F12: variants seen among roughly 807,000 people sequenced by gnomAD.
The protein encoded by F12 is coagulation factor XII, also known as Hageman factor.
In F12, 70 loss-of-function variants were observed where a neutral mutation model predicts 74.8. The observed-to-expected ratio is 0.94, with a 90% CI of 0.77 to 1.14. The LOEUF (loss-of-function observed/expected upper bound fraction) is 1.14. Among genes scored for constraint, F12 ranks in the 50% most tolerant of loss-of-function variants. F12 has a pLI of 0.00. For synonymous variants in F12, 373 were observed against 356.4 expected (o/e 1.05, Z -0.52); for missense variants, 811 against 835.7 (o/e 0.97, Z 0.36).
In F12 at chr5:177,405,790, G is replaced by A; in HGVS notation, c.231C>T (p.Pro77=). The A allele has an allele frequency of 1.9e-6, 3 of 1,614,170 alleles. No homozygotes were observed. Among genetic ancestry groups the A allele is most frequent in the Non-Finnish European group, 2.5e-6 (3 of 1,180,016 alleles). The change falls in exon 4 of 14, where the codon CCC becomes CCT. Residue 77 remains proline (P), a synonymous_variant. Coordinates refer to ENST00000253496, the MANE Select transcript of F12 (RefSeq NM_000505.4). ...CCCATCGCTGGTCCTGATCAAAGTT[G>A]GGGGTGGTAGCACACCTGTAGAAAG... ...PGPQPWCATT[P]NFDQDQRWGY...
In F12 at chr5:177,404,495, G is replaced by T. The variant is rs1209557431; in HGVS notation, c.800+4C>A. 1.9e-6 allele frequency: 3 copies of T among 1,590,236 alleles called. No homozygotes were observed. The highest frequency in any genetic ancestry group is 1.1e-5 in the South Asian group (1 of 88,880). On this transcript the variant is annotated splice_donor_region_variant and intron_variant, in intron 8 of 13. Coordinates refer to ENST00000253496, the MANE Select transcript of F12 (RefSeq NM_000505.4). ...GAGGGGTCACCCAGCCCCACGCGGC[G>T]CACCGGCAGAAGGCGTGGCCGCCCA...
In F12 at chr5:177,403,355, A is replaced by T; in HGVS notation, c.1430T>A (p.Leu477His). Residue 477 changes from leucine (L) to histidine (H), a missense_variant, in exon 12 of 14, where the codon CTC becomes CAC. Leu to His is a moderately conservative substitution (Grantham distance 99). Transcript: ENST00000253496. Reference sequence around the variant, plus strand: ...CACCGGCTGAACGTAAGGCGACAGGAGCGCGCAGCTGCCGTCCGCATCCTC... The same window carrying T: ...CACCGGCTGAACGTAAGGCGACAGGTGCGCGCAGCTGCCGTCCGCATCCTC... ...LQEDADGSCALLSPYVQPVCL... is the reference protein window; with the variant it reads ...LQEDADGSCAHLSPYVQPVCL... 2.5e-6 allele frequency: 4 copies of T among 1,598,884 alleles called. No homozygotes were observed. The African/African-American group carries it at 4.0e-5, about 16-fold the overall frequency.
chr5:177,403,147 C>T, intron 12 of F12, 107 bp downstream of exon 12: 1 of 1,467,338 alleles, frequency 6.8e-7, no homozygotes, highest in Non-Finnish European at 9.4e-7. Flanking sequence ...GTCAGCGCCA[C>T]CCATTCTGTA....
Position 177,405,042 on chromosome 5 carries a change from C to G in F12, c.529+12G>C. On this transcript the variant is annotated intron_variant, in intron 6 of 13. Transcript: ENST00000253496. Reference sequence around the variant, plus strand: ...ACGCTCCTCCCTGGCCCGTTCCCAACCATCTGCTCACCCTGGCTGGCCAGC... The same window carrying G: ...ACGCTCCTCCCTGGCCCGTTCCCAAGCATCTGCTCACCCTGGCTGGCCAGC... The G allele has an allele frequency of 6.2e-7, 1 of 1,611,308 alleles. No homozygotes were observed. The highest frequency in any genetic ancestry group is 8.5e-7 in the Non-Finnish European group (1 of 1,179,864).
intron 6 of F12, 64 bp downstream of exon 6, chr5:177,404,990 C>T: frequency 6.3e-7 from 1 of 1,594,282 alleles, no homozygotes; most frequent in Non-Finnish European, 8.5e-7. Context: ...GGCACACCAC[C>T]CGGCCTCCTG....
At chr5:177,403,710 C>T (rs1238378662) in intron 10 of F12, 93 bp from the exon 11 acceptor site, 2 of 1,535,772 alleles carry the variant, frequency 1.3e-6, no homozygotes, top group South Asian at 1.2e-5. Flanking sequence ...TCCCGTGTTC[C>T]AGCTTCCTCC....
At chr5:177,405,916 T>C (rs1257345359) in intron 3 of F12, 46 bp downstream of exon 3, 1 of 1,597,186 alleles carries the variant, frequency 6.3e-7, no homozygotes, top group Non-Finnish European at 8.6e-7. Flanking sequence ...ACAGGCAGGG[T>C]ACATGTCTCC....
At chr5:177,405,244 G>A (rs1363241173) in intron 5 of F12, 59 bp from the exon 6 acceptor site, 2 of 1,613,258 alleles carry the variant, frequency 1.2e-6, no homozygotes, top group Admixed American at 3.3e-5. Context: ...AAGTCTCCGA[G>A]TATCCAGCAA....
rs1763249669 is a variant in F12, at chr5:177,404,898, C to T, written c.546G>A (p.Pro182=). The T allele has an allele frequency of 6.2e-7, 1 of 1,605,604 alleles. No individual in the cohort carries two copies. Among genetic ancestry groups the T allele is most frequent in the Middle Eastern group, 1.7e-4 (1 of 5,976 alleles). The change falls in exon 7 of 14, where the codon CCG becomes CCA. Residue 182 remains proline (P), a synonymous_variant. Coordinates refer to ENST00000253496, the MANE Select transcript of F12 (RefSeq NM_000505.4). The part of the protein sequence containing the change: ...RLASQACRTN[P]CLHGGRCLEV... ...CTAGGCAGCGACCCCCATGGAGGCA[C>T]GGGTTGGTGCGGCAGGCTTGGGGAG...
intron 2 of F12, among the ~76,000 whole-genome samples, chr5:177,407,871 T>TTTGGGTGCC (rs752453455): frequency 1.0e-4 from 15 of 150,174 alleles, no homozygotes; most frequent in Non-Finnish European, 2.1e-4. Context: ...GGGCACCAAG[T>TTTGGGTGCC]TTGGGTAAGG....
rs139112998 is a variant in F12, at chr5:177,404,117, G to C, written c.1019-27C>G. ...TGTGGAGGAGCAGGGGCTGAGGACGGAGAGCCCGCGGCCGGCTGGCCGGAA... is the reference window on the plus strand; with the variant it reads ...TGTGGAGGAGCAGGGGCTGAGGACGCAGAGCCCGCGGCCGGCTGGCCGGAA... On this transcript the variant is annotated intron_variant, in intron 9 of 13. Transcript: ENST00000253496. The C allele has an allele frequency of 1.0e-5, 16 of 1,595,084 alleles. No individual in the cohort carries two copies. The African/African-American group carries it at 1.9e-4, about 19-fold the overall frequency.
intron 3 of F12, 45 bp downstream of exon 3, chr5:177,405,917 A>G (rs760162317): frequency 1.1e-5 from 18 of 1,596,434 alleles, no homozygotes; most frequent in African/African-American, 2.7e-5. Context: ...CAGGCAGGGT[A>G]CATGTCTCCC....
chr5:177,403,095 A>C, intron 12 of F12, 159 bp downstream of exon 12: 2 of 902,252 alleles, frequency 2.2e-6, no homozygotes, highest in South Asian at 1.6e-5. Flanking sequence ...AGGCCCTGGG[A>C]TTCTACCTGG....
intron 12 of F12, chr5:177,402,942 G>C: frequency 4.4e-6 from 3 of 675,714 alleles, no homozygotes; most frequent in Non-Finnish European, 7.4e-6. Flanking sequence ...ATCCAGAGTC[G>C]CAGAACCTGG....
In F12 at chr5:177,404,244, T is replaced by G; in HGVS notation, c.970A>C (p.Lys324Gln). Reference protein sequence around the residue: ...PLMPAQPAPPKPQPTTRTPPQ... With the variant: ...PLMPAQPAPPQPQPTTRTPPQ... ...GGGGTCCGGGTCGTGGGCTGAGGCTTCGGCGGTGCCGGCTGCGCGGGCATG... is the reference window on the plus strand; with the variant it reads ...GGGGTCCGGGTCGTGGGCTGAGGCTGCGGCGGTGCCGGCTGCGCGGGCATG... Residue 324 changes from lysine to glutamine, a missense_variant, in exon 9 of 14, where the codon AAG (lysine) becomes CAG (glutamine). Coordinates refer to ENST00000253496, the MANE Select transcript of F12 (RefSeq NM_000505.4). 1 of 1,598,942 alleles carries G rather than the reference T, an allele frequency of 6.3e-7. No individual in the cohort carries two copies. The highest frequency in any genetic ancestry group is 8.5e-7 in the Non-Finnish European group (1 of 1,171,478).
Position 177,405,193 on chromosome 5 carries a change from C to CA in F12, c.398-9dup, listed in dbSNP as rs1039767285. On this transcript the variant is annotated splice_polypyrimidine_tract_variant and intron_variant, in intron 5 of 13. Transcript: ENST00000253496. The stretch of plus-strand genomic sequence containing the variant: ...GAGGCTCAAAGCACTTCTCTGGGGA[C>CA]AAAGAGGGATAGTGGTCTCAGGAGA... 4 of 1,613,866 alleles carry CA rather than the reference C, an allele frequency of 2.5e-6. No individual in the cohort carries two copies. Among genetic ancestry groups the CA allele is most frequent in the Admixed American group, 1.7e-5 (1 of 60,018 alleles).
chr5:177,405,807 T>C lies in F12; in HGVS notation c.216-2A>G, dbSNP rs1466570827. 6.2e-7 allele frequency: 1 copy of C among 1,614,090 alleles called. No homozygotes were observed. Among genetic ancestry groups the C allele is most frequent in the Admixed American group, 1.7e-5 (1 of 60,022 alleles). Reference sequence around the variant, plus strand: ...TCAAAGTTGGGGGTGGTAGCACACCTGTAGAAAGAGACAAGGCTTCCCTGC... The same window carrying C: ...TCAAAGTTGGGGGTGGTAGCACACCCGTAGAAAGAGACAAGGCTTCCCTGC... On this transcript the variant is annotated splice_acceptor_variant, in intron 3 of 13. Coordinates refer to ENST00000253496, the MANE Select transcript of F12 (RefSeq NM_000505.4). LOFTEE classifies it high-confidence loss of function.
rs572115873 is a variant in F12, at chr5:177,402,849, T to A, written c.1532-151A>T. On this transcript the variant is annotated intron_variant, in intron 12 of 13. Coordinates refer to ENST00000253496, the MANE Select transcript of F12 (RefSeq NM_000505.4). ...GGGAGGAGGTGCCATTAATTCAATT[T>A]CATAGGCAAGGAGGCTGAGGTCCAG... is the stretch of plus-strand genomic sequence containing the variant. 34 of 1,145,608 alleles carry A rather than the reference T, an allele frequency of 3.0e-5. No individual in the cohort carries two copies. The East Asian group carries it at 4.9e-4, about 16-fold the overall frequency. 71.0% of individuals were successfully genotyped at this position (1,145,608 alleles called of 1,614,324 possible). A position where few individuals can be genotyped will look rare whatever the true frequency, so the allele number is the denominator to read the frequency against.
At position 177,404,322 on chromosome 5, in the gene F12, G is replaced by A; in HGVS notation, c.892C>T (p.Pro298Ser). The change falls in exon 9 of 14, where the codon CCA becomes TCA. Residue 298 changes from proline to serine, a missense_variant. Transcript: ENST00000253496. ...EYCDLAQCQT[P>S]TQAAPPTPVS... ...GGGGTCGGAGGCGCCGCCTGGGTTGGGGTCTGGCACTGTGCCAGGTCGCAG... is the reference window on the plus strand; with the variant it reads ...GGGGTCGGAGGCGCCGCCTGGGTTGAGGTCTGGCACTGTGCCAGGTCGCAG... 1 of 1,606,848 alleles carries A rather than the reference G, an allele frequency of 6.2e-7. No individual in the cohort carries two copies. The highest frequency in any genetic ancestry group is 8.5e-7 in the Non-Finnish European group (1 of 1,176,612).
Sources: gnomAD v4.1 joint callset for allele counts (sites outside exome capture counted in the v4.1 genomes callset) on GRCh38, gnomAD v4.1.1 for gene constraint, MANE v1.5 for transcripts, NCBI Gene and HGNC (gene_info 2026-07-23, HGNC 2026-07-21) for gene names.